The following NFATC1 variants were observed in gnomAD, a reference collection of about 807,000 sequenced individuals.
The protein encoded by NFATC1 is nuclear factor of activated T-cells, cytoplasmic 1.
In NFATC1, 22 loss-of-function variants were observed where a neutral mutation model predicts 76.0. The observed-to-expected ratio is 0.29, with a 90% confidence interval of 0.21 to 0.41. The LOEUF (loss-of-function observed/expected upper bound fraction) is 0.41, where lower values mean the gene tolerates loss of function less well. Ranked by LOEUF, NFATC1 falls within the 10% of genes least tolerant of loss-of-function variation. The pLI is 1.00. For missense variants in NFATC1, 1,357 were observed against 1,337.7 expected (o/e 1.01, Z -0.23); for synonymous variants, 704 against 613.1 (o/e 1.15, Z -2.19).
intron 8 of NFATC1, chr18:79,470,226 G>T (rs913805755): frequency 6.4e-6 from 1 of 155,082 alleles, no homozygotes; most frequent in Non-Finnish European, 1.4e-5. Context: ...GAGGCAGGAC[G>T]GGTGGGTGTG....
chr18:79,436,183 CT>C (rs747931672), intron 3 of NFATC1, among the ~76,000 whole-genome samples: 2 of 152,250 alleles, frequency 1.3e-5, no homozygotes, highest in Non-Finnish European at 2.9e-5. Context: ...TTAGTACATC[CT>C]TTGACGCGGC....
intron 9 of NFATC1, among the ~76,000 whole-genome samples, chr18:79,505,961 C>T (rs890548847): frequency 1.3e-5 from 2 of 152,132 alleles, no homozygotes; most frequent in African/African-American, 4.8e-5. Context: ...AGTGTTCTGA[C>T]ACCTGCAGTG....
At position 79,486,647 on chromosome 18, in the gene NFATC1, G is replaced by C; in HGVS notation, c.2492G>C (p.Ser831Thr). Reference sequence around the variant, plus strand: ...CCACAGCAGGTGAGTGCGCCTCCAAGCAGTAGCTGCCCCCCTGGTCTCGAA... The same window carrying C: ...CCACAGCAGGTGAGTGCGCCTCCAACCAGTAGCTGCCCCCCTGGTCTCGAA... The part of the protein sequence containing the change: ...LLPQQVSAPP[S>T]SSCPPGLEHS... The change falls in exon 9 of 10, where the codon AGC (serine) becomes ACC (threonine). Residue 831 changes from serine to threonine, a missense_variant. This residue lies in a region of NFATC1 where 424 missense variants were observed against 395.4 expected (regional missense o/e 1.07). Coordinates refer to ENST00000427363, the MANE Select transcript of NFATC1 (RefSeq NM_001278669.2). 6.2e-7 allele frequency: 1 copy of C among 1,603,404 alleles called. No individual in the cohort carries two copies. Among genetic ancestry groups the C allele is most frequent in the Non-Finnish European group, 8.5e-7 (1 of 1,177,914 alleles).
chr18:79,477,932 C>T (rs2089138966), intron 8 of NFATC1, among the ~76,000 whole-genome samples: 1 of 152,190 alleles, frequency 6.6e-6, no homozygotes, highest in Non-Finnish European at 1.5e-5. Context: ...TGTTTAACCC[C>T]CAGTTACCTC....
chr18:79,424,621 GTC>G (rs2086221367), intron 2 of NFATC1, among the ~76,000 whole-genome samples: 1 of 142,026 alleles, frequency 7.0e-6, no homozygotes, highest in Non-Finnish European at 1.5e-5. Context: ...CTGTCTCTCT[GTC>G]TCTCCGTCTG....
chr18:79,432,065 G>T (rs2086609625), intron 2 of NFATC1, among the ~76,000 whole-genome samples: 1 of 152,166 alleles, frequency 6.6e-6, no homozygotes, highest in Non-Finnish European at 1.5e-5. Context: ...CCTTCGGGGG[G>T]CTCGGGAGGC....
intron 1 of NFATC1, among the ~76,000 whole-genome samples, chr18:79,401,149 C>A (rs1004200120): frequency 6.6e-6 from 1 of 151,636 alleles, no homozygotes; most frequent in Non-Finnish European, 1.5e-5. Flanking sequence ...GTGGGCACCC[C>A]TGGGCCTGGG....
chr18:79,475,505 G>A (rs1386414339), intron 8 of NFATC1, among the ~76,000 whole-genome samples: 2 of 150,682 alleles, frequency 1.3e-5, no homozygotes, highest in Non-Finnish European at 2.9e-5. Flanking sequence ...CGTTGCGATG[G>A]AAGCGTGTTC....
chr18:79,466,267 A>T (rs1450694714), intron 7 of NFATC1, among the ~76,000 whole-genome samples: 1 of 152,236 alleles, frequency 6.6e-6, no homozygotes, highest in Non-Finnish European at 1.5e-5. Flanking sequence ...CTGAGCTATA[A>T]TTAATTATTT....
chr18:79,406,915 G>A (rs114622819), intron 1 of NFATC1, among the ~76,000 whole-genome samples: 3,961 of 152,272 alleles, frequency 0.026, 86 homozygotes, highest in East Asian at 0.042. Flanking sequence ...GGCCTGGCAC[G>A]GTCACCCAGG....
chr18:79,477,909 A>G (rs987649739), intron 8 of NFATC1, among the ~76,000 whole-genome samples: 1 of 152,068 alleles, frequency 6.6e-6, no homozygotes, highest in African/African-American at 2.4e-5. Context: ...TCAGGGCCCC[A>G]CCCTGATGAC....
chr18:79,526,378 CA>C (rs2145250944), intron 9 of NFATC1, among the ~76,000 whole-genome samples: 2 of 152,376 alleles, frequency 1.3e-5, no homozygotes, highest in South Asian at 4.1e-4. Context: ...GGGCAGGGCC[CA>C]GGATCAGCGT....
intron 9 of NFATC1, among the ~76,000 whole-genome samples, chr18:79,503,509 C>T (rs1005747478): frequency 2.0e-5 from 3 of 152,212 alleles, no homozygotes; most frequent in Non-Finnish European, 2.9e-5. Flanking sequence ...TTAAAACCTT[C>T]GGTAAACCAT....
At chr18:79,476,209 C>A (rs545485594) in intron 8 of NFATC1, among the ~76,000 whole-genome samples, 31 of 152,342 alleles carry the variant, frequency 2.0e-4, no homozygotes, top group Admixed American at 9.1e-4. Flanking sequence ...GCCAGCCGCG[C>A]GCCTGGGAGG....
rs573766175 is a variant in NFATC1 at position 79,406,472 on chromosome 18, G to A, written c.128-3931G>A. 2.1e-4 allele frequency among the ~76,000 whole-genome samples: 32 copies of A among 152,196 alleles called. No individual in the cohort carries two copies. The East Asian group carries it at 5.2e-3, about 25-fold the overall frequency. On this transcript the variant is annotated intron_variant, in intron 1 of 9. Transcript: ENST00000427363. ...GCTGCCATCGTGTTCCCTCAGTTCC[G>A]CTGCTGTGCTTTCGGGTCTCCTGGA...
intron 2 of NFATC1, among the ~76,000 whole-genome samples, chr18:79,424,224 G>A (rs1171606992): frequency 6.6e-6 from 1 of 152,216 alleles, no homozygotes; most frequent in African/African-American, 2.4e-5. Flanking sequence ...ACCGAGAAAC[G>A]CGGCGTGTGC....
chr18:79,428,332 G>A (rs957945005), intron 2 of NFATC1, among the ~76,000 whole-genome samples: 1 of 152,134 alleles, frequency 6.6e-6, no homozygotes, highest in Non-Finnish European at 1.5e-5. Flanking sequence ...TTTAACTATC[G>A]TGTAAAGATG....
At chr18:79,464,398 T>C (rs2088324550) in intron 7 of NFATC1, among the ~76,000 whole-genome samples, 1 of 152,016 alleles carries the variant, frequency 6.6e-6, no homozygotes, top group Non-Finnish European at 1.5e-5. Context: ...CCCGGCCTGC[T>C]GTTTCATTTT....
chr18:79,438,897 TC>T (rs2086874356), intron 3 of NFATC1, among the ~76,000 whole-genome samples: 1 of 152,166 alleles, frequency 6.6e-6, no homozygotes, highest in African/African-American at 2.4e-5. Flanking sequence ...CCTCCACAGA[TC>T]CGTAACAGAC....
Sources: gnomAD v4.1 joint callset for allele counts (sites outside exome capture counted in the v4.1 genomes callset) on GRCh38, gnomAD v4.1.1 for gene constraint, gnomAD v4.1.1 regional missense constraint, MANE v1.5 for transcripts, NCBI Gene and HGNC (gene_info 2026-07-23, HGNC 2026-07-21) for gene names.